The following RNF2 variants were observed in gnomAD, a reference collection of about 807,000 sequenced individuals.
The protein encoded by RNF2 is ring finger protein 2.
RNF2 carries 6 observed loss-of-function variants against 37.2 expected under a neutral mutation model. The observed-to-expected ratio is 0.16, with a 90% CI of 0.09 to 0.32. The LOEUF is 0.32. Among genes scored for constraint, RNF2 ranks in the 10% least tolerant of loss-of-function variants. The pLI is 1.00. For missense variants in RNF2, 251 were observed against 404.0 expected (o/e 0.62, Z 3.25); for synonymous variants, 133 against 132.7 (o/e 1.00, Z -0.02).
intron 1 of RNF2, chr1:185,071,791 G>C (rs1650983702): frequency 6.5e-6 from 1 of 153,360 alleles, no homozygotes; most frequent in Non-Finnish European, 1.5e-5. Flanking sequence ...TTTTTTCCAA[G>C]TATAATACGT....
intron 1 of RNF2, among the ~76,000 whole-genome samples, chr1:185,076,602 T>G (rs1651173208): frequency 6.6e-6 from 1 of 151,764 alleles, no homozygotes; most frequent in Non-Finnish European, 1.5e-5. Context: ...TATGGTTTTT[T>G]TTTTTATGTT....
chr1:185,052,639 CTG>C (rs916693728), intron 1 of RNF2, among the ~76,000 whole-genome samples: 4 of 152,204 alleles, frequency 2.6e-5, no homozygotes, highest in African/African-American at 9.7e-5. Context: ...CTGCACAAGA[CTG>C]TGAATGCGCT....
At chr1:185,087,908 C>CAGACATTGAAAAAGT (rs1651650324) in intron 2 of RNF2, among the ~76,000 whole-genome samples, 1 of 152,138 alleles carries the variant, frequency 6.6e-6, no homozygotes, top group Non-Finnish European at 1.5e-5. Context: ...TGAAAAAGTA[C>CAGACATTGAAAAAGT]ATATCTATAA....
intron 1 of RNF2, among the ~76,000 whole-genome samples, chr1:185,070,493 G>C (rs1489160816): frequency 6.6e-6 from 1 of 152,148 alleles, no homozygotes; most frequent in Non-Finnish European, 1.5e-5. Context: ...GGGAACAAAT[G>C]TATGGCCCAG....
chr1:185,077,966 C>T (rs962252199), intron 1 of RNF2, among the ~76,000 whole-genome samples: 9 of 152,176 alleles, frequency 5.9e-5, no homozygotes, highest in African/African-American at 2.2e-4. Flanking sequence ...AAGTAAGGGG[C>T]CGGGCGTGGT....
chr1:185,095,870 A>G (rs1220330601), intron 4 of RNF2, among the ~76,000 whole-genome samples: 3 of 152,098 alleles, frequency 2.0e-5, no homozygotes, highest in Non-Finnish European at 4.4e-5. Flanking sequence ...CACATTCCTC[A>G]TTTCTTTTTT....
intron 1 of RNF2, among the ~76,000 whole-genome samples, chr1:185,072,646 G>A (rs1230580637): frequency 6.6e-6 from 1 of 152,052 alleles, no homozygotes; most frequent in African/African-American, 2.4e-5. Context: ...GAGAAAGATG[G>A]CAGATGTGGC....
Position 185,099,928 on chromosome 1 carries a change from C to T in RNF2, c.875C>T (p.Thr292Ile), listed in dbSNP as rs111732754. The T allele has an allele frequency of 6.2e-7, 1 of 1,612,428 alleles. No individual in the cohort carries two copies. The highest frequency in any genetic ancestry group is 8.5e-7 in the Non-Finnish European group (1 of 1,178,746). Residue 292 changes from threonine (T) to isoleucine (I), a missense_variant, in exon 6 of 7, where the codon ACC (threonine) becomes ATC (isoleucine). Thr to Ile is a moderately conservative substitution (Grantham distance 89). Around this residue, in one of 7 missense-constraint regions of RNF2, gnomAD observed 59 missense variants for 69.1 expected, o/e 0.85. Coordinates refer to ENST00000367510, the MANE Select transcript of RNF2 (RefSeq NM_007212.4). ...GATACAGCCAGTGAGAAGCAGTATACCATTTATATAGCAACAGCCAGTGGC... is the reference window on the plus strand; with the variant it reads ...GATACAGCCAGTGAGAAGCAGTATATCATTTATATAGCAACAGCCAGTGGC... ...NLDTASEKQY[T>I]IYIATASGQF...
At chr1:185,077,264 C>G (rs1651195090) in intron 1 of RNF2, among the ~76,000 whole-genome samples, 1 of 151,852 alleles carries the variant, frequency 6.6e-6, no homozygotes, top group African/African-American at 2.4e-5. Context: ...TGATCACTTC[C>G]TTTTCCCATG....
intron 1 of RNF2, among the ~76,000 whole-genome samples, chr1:185,082,367 T>C (rs12091158): frequency 9.7e-5 from 11 of 113,204 alleles, no homozygotes; most frequent in Non-Finnish European, 1.9e-4. Flanking sequence ...TTTTTTTTTT[T>C]GAAGACAGAG....
Position 185,099,900 on chromosome 1 carries a change from C to T in RNF2, c.847C>T (p.Leu283Phe), listed in dbSNP as rs756233391. The change falls in exon 6 of 7, where the codon CTT (leucine) becomes TTT (phenylalanine). Residue 283 changes from leucine to phenylalanine, a missense_variant. Physicochemically the swap from Leu to Phe is conservative, Grantham distance 22. Around this residue, in one of 7 missense-constraint regions of RNF2, gnomAD observed 59 missense variants for 69.1 expected, o/e 0.85. Coordinates refer to ENST00000367510, the MANE Select transcript of RNF2 (RefSeq NM_007212.4). ...RSKGESNQMN[L>F]DTASEKQYTI... The stretch of plus-strand genomic sequence containing the variant: ...CAAAGGTGAATCAAACCAGATGAAC[C>T]TTGATACAGCCAGTGAGAAGCAGTA... 6.2e-7 allele frequency: 1 copy of T among 1,614,020 alleles called. No homozygotes were observed. Among genetic ancestry groups the T allele is most frequent in the South Asian group, 1.1e-5 (1 of 91,068 alleles).
At chr1:185,054,056 T>C (rs1486839463) in intron 1 of RNF2, among the ~76,000 whole-genome samples, 3 of 152,104 alleles carry the variant, frequency 2.0e-5, no homozygotes, top group African/African-American at 7.2e-5. Context: ...TCTTCACAAA[T>C]GACTTTTGTA....
At chr1:185,073,052 C>T (rs187011482) in intron 1 of RNF2, among the ~76,000 whole-genome samples, 4 of 134,758 alleles carry the variant, frequency 3.0e-5, no homozygotes, top group South Asian at 4.8e-4. Context: ...TTTTGCTCTA[C>T]GACTTGCTTT....
intron 1 of RNF2, among the ~76,000 whole-genome samples, chr1:185,067,218 GT>G (rs1291513999): frequency 6.6e-6 from 1 of 152,184 alleles, no homozygotes; most frequent in Non-Finnish European, 1.5e-5. Context: ...AAGCTTTTCA[GT>G]AAAGAACACT....
chr1:185,059,620 T>C (rs1650542044), intron 1 of RNF2, among the ~76,000 whole-genome samples: 1 of 152,164 alleles, frequency 6.6e-6, no homozygotes, highest in African/African-American at 2.4e-5. Context: ...ATTATTGTTG[T>C]AGTAGCAGTA....
chr1:185,070,530 A>G (rs1650935794), intron 1 of RNF2, among the ~76,000 whole-genome samples: 1 of 152,100 alleles, frequency 6.6e-6, no homozygotes, highest in Non-Finnish European at 1.5e-5. Context: ...GAGCCTTGGG[A>G]TCTCAAAGAG....
intron 1 of RNF2, among the ~76,000 whole-genome samples, chr1:185,055,577 G>T (rs1650409351): frequency 6.6e-6 from 1 of 152,114 alleles, no homozygotes; most frequent in South Asian, 2.1e-4. Context: ...ACCACGCCCA[G>T]CTAATTTTTG....
At chr1:185,081,901 G>A (rs1003336999) in intron 1 of RNF2, among the ~76,000 whole-genome samples, 17 of 152,196 alleles carry the variant, frequency 1.1e-4, no homozygotes, top group Non-Finnish European at 2.9e-5. Context: ...TCAGAAAGCT[G>A]TAGCGGCAGC....
At chr1:185,050,229 G>T (rs943751718) in intron 1 of RNF2, among the ~76,000 whole-genome samples, 3 of 152,232 alleles carry the variant, frequency 2.0e-5, no homozygotes, top group Non-Finnish European at 4.4e-5. Context: ...AAAGGTCTTT[G>T]TCCTTGAGGA....
Sources: gnomAD v4.1 joint callset for allele counts (sites outside exome capture counted in the v4.1 genomes callset) on GRCh38, gnomAD v4.1.1 for gene constraint, gnomAD v4.1.1 regional missense constraint, MANE v1.5 for transcripts, NCBI Gene and HGNC (gene_info 2026-07-23, HGNC 2026-07-21) for gene names.